LARP4B: variants seen among roughly 807,000 people sequenced by gnomAD.
The protein encoded by LARP4B is La ribonucleoprotein 4B.
A neutral mutation model predicts 89.8 loss-of-function variants in LARP4B; 12 were observed. That is an observed-to-expected ratio of 0.13 (90% confidence interval 0.09 to 0.22). LARP4B has a LOEUF of 0.22. Ranked by LOEUF, LARP4B falls within the 10% of genes least tolerant of loss-of-function variation. The pLI is 1.00. For synonymous variants in LARP4B, 367 were observed against 363.3 expected (o/e 1.01, Z -0.12); for missense variants, 757 against 947.7 (o/e 0.80, Z 2.64).
At chr10:888,022 T>C (rs1835913061) in intron 1 of LARP4B, among the ~76,000 whole-genome samples, 1 of 147,272 alleles carries the variant, frequency 6.8e-6, no homozygotes, top group South Asian at 2.1e-4. Context: ...AAACTCTGTC[T>C]TAAAAACAAA....
intron 8 of LARP4B, among the ~76,000 whole-genome samples, chr10:832,923 C>T (rs1456356509): frequency 6.6e-6 from 1 of 152,114 alleles, no homozygotes; most frequent in East Asian, 1.9e-4. Flanking sequence ...TATTTTTAAT[C>T]TCTTTTTAAA....
chr10:861,206 G>A (rs980873897), intron 5 of LARP4B, among the ~76,000 whole-genome samples: 1 of 152,162 alleles, frequency 6.6e-6, no homozygotes, highest in African/African-American at 2.4e-5. Flanking sequence ...GAGGGCACAG[G>A]AAGCTCTTCC....
At chr10:913,527 G>C (rs1178977355) in intron 1 of LARP4B, among the ~76,000 whole-genome samples, 1 of 152,190 alleles carries the variant, frequency 6.6e-6, no homozygotes, top group African/African-American at 2.4e-5. Context: ...CTTCTCATCA[G>C]CAAATACTCA....
In LARP4B at chr10:865,219, C is replaced by A. The variant is rs193025431; in HGVS notation, c.142-949G>T. Among the ~76,000 whole-genome samples the A allele has an allele frequency of 7.7e-3, 1,167 of 152,284 alleles. 11 individuals are homozygous for A. The highest frequency in any genetic ancestry group is 0.025 in the African/African-American group (1,053 of 41,538). On this transcript the variant is annotated intron_variant, in intron 3 of 17. Coordinates refer to ENST00000316157, the MANE Select transcript of LARP4B (RefSeq NM_015155.3). ...GCTGCTAGTCCAGTGTTCTGGACAA[C>A]GGACTCTCAGATCACTGGGGCTGAG...
At chr10:879,700 C>A (rs1835594671) in intron 3 of LARP4B, among the ~76,000 whole-genome samples, 1 of 152,150 alleles carries the variant, frequency 6.6e-6, no homozygotes, top group African/African-American at 2.4e-5. Flanking sequence ...GAACTGGGCT[C>A]AAGAAATCCT....
chr10:817,008 C>A (rs1312216430), intron 15 of LARP4B, among the ~76,000 whole-genome samples: 2 of 152,122 alleles, frequency 1.3e-5, no homozygotes, highest in African/African-American at 2.4e-5. Flanking sequence ...GGAAAGGGCC[C>A]CTGGCACAGG....
intron 3 of LARP4B, among the ~76,000 whole-genome samples, chr10:877,664 G>A: frequency 6.6e-6 from 1 of 152,132 alleles, no homozygotes; most frequent in Middle Eastern, 3.2e-3. Flanking sequence ...CAGGTGTAGG[G>A]CTAACAGGAA....
At chr10:913,168 T>C (rs1836719921) in intron 1 of LARP4B, among the ~76,000 whole-genome samples, 1 of 152,142 alleles carries the variant, frequency 6.6e-6, no homozygotes, top group Non-Finnish European at 1.5e-5. Context: ...AAATTTAGGG[T>C]TGTCTAGCAA....
chr10:842,601 G>A (rs1833577792), intron 7 of LARP4B, among the ~76,000 whole-genome samples: 1 of 152,144 alleles, frequency 6.6e-6, no homozygotes, highest in African/African-American at 2.4e-5. Flanking sequence ...TAACTAAAGT[G>A]TATTTTACTT....
rs1025751225 is a variant in LARP4B, at chr10:822,508, C to A, written c.1485-1663G>T. On this transcript the variant is annotated intron_variant, in intron 13 of 17. Transcript: ENST00000316157. The surrounding 1 kb of genome is among the most constrained non-coding windows in gnomAD (Gnocchi z 4.6). ...CATCAGTGGGCCCAGCCAACACTCC[C>A]CCACACCCTCACTGGGCTCCACGTA... 5.3e-5 allele frequency among the ~76,000 whole-genome samples: 8 copies of A among 152,302 alleles called. No homozygotes were observed. The highest frequency in any genetic ancestry group is 1.9e-4 in the African/African-American group (8 of 41,566).
rs373520851 is a variant in LARP4B, at chr10:900,586, C to T, written c.-39-14826G>A. 1.9e-3 allele frequency among the ~76,000 whole-genome samples: 275 copies of T among 148,458 alleles called. 1 individual carries two copies. Among genetic ancestry groups the T allele is most frequent in the African/African-American group, 6.4e-3 (259 of 40,358 alleles). On this transcript the variant is annotated intron_variant, in intron 1 of 17. Transcript: ENST00000316157. ...AGGTAGCTGGAACTACAGGAGCATG[C>T]CACAAAGCCCAGCTAAAAAAGGATA...
chr10:964,849 A>G, the LARP4B span, among the ~76,000 whole-genome samples: 1 of 152,176 alleles, frequency 6.6e-6, no homozygotes. Flanking sequence ...ACAGCTCAGG[A>G]CAGCACAGAA....
At chr10:943,761 A>G in the LARP4B span, among the ~76,000 whole-genome samples, 1 of 151,732 alleles carries the variant, frequency 6.6e-6, no homozygotes, top group Non-Finnish European at 1.5e-5. Context: ...AGGGGGGCCC[A>G]GGTCAGGAGG....
the LARP4B span, among the ~76,000 whole-genome samples, chr10:949,084 T>G: frequency 6.6e-6 from 1 of 152,376 alleles, no homozygotes; most frequent in African/African-American, 2.4e-5. Flanking sequence ...CAACCCGTTT[T>G]CCAGGTGGCT....
At chr10:900,420 C>CTTTTTT (rs529963345) in intron 1 of LARP4B, among the ~76,000 whole-genome samples, 2,410 of 45,240 alleles carry the variant, frequency 0.053, 882 homozygotes, top group East Asian at 0.079. Context: ...AGAAGGATGT[C>CTTTTTT]TTTTTTTTTT....
chr10:814,773 C>T lies in LARP4B; in HGVS notation c.1898G>A (p.Cys633Tyr), dbSNP rs758441572. Residue 633 changes from cysteine to tyrosine, a missense_variant, in exon 17 of 18, where the codon TGT becomes TAT. Physicochemically the swap from Cys to Tyr is radical, Grantham distance 194. Around this residue, in one of 5 missense-constraint regions of LARP4B, gnomAD observed 387 missense variants for 423.6 expected, o/e 0.91. Coordinates refer to ENST00000316157, the MANE Select transcript of LARP4B (RefSeq NM_015155.3). The surrounding 1 kb of genome is among the most constrained non-coding windows in gnomAD (Gnocchi z 4.4). ...RLPSALTATA[C>Y]KSVQVNGAAT... ...GGCTCCGTTCACCTGCACCGATTTA[C>T]ACGCGGTCGCAGTGAGGGCGGAAGG... is the stretch of plus-strand genomic sequence containing the variant. The T allele has an allele frequency of 8.7e-6, 14 of 1,602,682 alleles. No individual in the cohort carries two copies. Among genetic ancestry groups the T allele is most frequent in the Non-Finnish European group, 8.5e-7 (1 of 1,174,144 alleles).
chr10:869,408 C>A (rs1047931973), intron 3 of LARP4B, among the ~76,000 whole-genome samples: 1 of 152,148 alleles, frequency 6.6e-6, no homozygotes, highest in Non-Finnish European at 1.5e-5. Context: ...AAAGTCAACA[C>A]AGAGCTCAGG....
chr10:982,557 T>C, the LARP4B span, among the ~76,000 whole-genome samples: 1 of 152,238 alleles, frequency 6.6e-6, no homozygotes, highest in Non-Finnish European at 1.5e-5. Context: ...CAATAACATA[T>C]TGCCTCAAAA....
intron 1 of LARP4B, among the ~76,000 whole-genome samples, chr10:901,745 T>C (rs1836351237): frequency 6.6e-6 from 1 of 152,216 alleles, no homozygotes; most frequent in African/African-American, 2.4e-5. Context: ...TAAGGAGATG[T>C]TGCCAATAAA....
Sources: gnomAD v4.1 joint callset for allele counts (sites outside exome capture counted in the v4.1 genomes callset) on GRCh38, gnomAD v4.1.1 for gene constraint, gnomAD v4.1.1 regional missense constraint, Gnocchi (gnomAD v3.1) non-coding constraint, MANE v1.5 for transcripts, NCBI Gene and HGNC (gene_info 2026-07-23, HGNC 2026-07-21) for gene names.